The following TMEFF2 variants were observed in gnomAD, a reference collection of about 807,000 sequenced individuals.
TMEFF2 encodes transmembrane protein with EGF like and two follistatin like domains 2.
In TMEFF2, 28 loss-of-function variants were observed where a neutral mutation model predicts 53.8. The observed-to-expected ratio is 0.52, with a 90% confidence interval of 0.39 to 0.71. TMEFF2 has a LOEUF of 0.71. Ranked by LOEUF, TMEFF2 falls within the 30% of genes least tolerant of loss-of-function variation. TMEFF2 has a pLI of 0.00. For synonymous variants in TMEFF2, 162 were observed against 166.3 expected, an observed-to-expected ratio of 0.97 and a Z score of 0.20; for missense variants, 353 against 455.2, an observed-to-expected ratio of 0.78 and a Z score of 2.04.
chr2:191,980,368 A>C (rs1685826905), intron 7 of TMEFF2, among the ~76,000 whole-genome samples: 1 of 152,182 alleles, frequency 6.6e-6, no homozygotes, highest in Admixed American at 6.5e-5. Flanking sequence ...CACAGAAAAC[A>C]ACCAGGGCAT....
At chr2:191,958,620 G>A (rs1001151938) in intron 7 of TMEFF2, among the ~76,000 whole-genome samples, 15 of 152,206 alleles carry the variant, frequency 9.9e-5, no homozygotes, top group African/African-American at 3.6e-4. Flanking sequence ...TGCTGCCTTA[G>A]TGTGGTAAGA....
At chr2:191,953,648 A>G in intron 9 of TMEFF2, 31 bp downstream of exon 9, 1 of 1,608,746 alleles carries the variant, frequency 6.2e-7, no homozygotes, top group Non-Finnish European at 8.5e-7. Context: ...ATATCCCTTT[A>G]TTTGGGTAGC....
intron 4 of TMEFF2, among the ~76,000 whole-genome samples, chr2:192,134,278 T>C (rs1396398920): frequency 6.6e-6 from 1 of 152,196 alleles, no homozygotes; most frequent in Non-Finnish European, 1.5e-5. Context: ...GCCTCCCACA[T>C]TATTCCAGAT....
At chr2:192,165,125 C>A (rs920594524) in intron 4 of TMEFF2, among the ~76,000 whole-genome samples, 1 of 151,994 alleles carries the variant, frequency 6.6e-6, no homozygotes, top group Non-Finnish European at 1.5e-5. Flanking sequence ...AATAGAAACA[C>A]CTTACTTTTA....
chr2:191,951,165 ATGTGTGTG>A (rs33981886), intron 9 of TMEFF2, among the ~76,000 whole-genome samples: 3 of 149,720 alleles, frequency 2.0e-5, no homozygotes, highest in African/African-American at 4.9e-5. Flanking sequence ...ATGTGTATGT[ATGTGTGTG>A]TGTGTATGTA....
At chr2:192,184,880 T>C (rs911637753) in intron 2 of TMEFF2, among the ~76,000 whole-genome samples, 2 of 152,128 alleles carry the variant, frequency 1.3e-5, no homozygotes, top group African/African-American at 4.8e-5. Context: ...AGGTAATGTC[T>C]ATCTGTGCTA....
intron 2 of TMEFF2, among the ~76,000 whole-genome samples, chr2:192,188,996 A>G (rs1691391976): frequency 6.6e-6 from 1 of 152,076 alleles, no homozygotes; most frequent in Admixed American, 6.5e-5. Context: ...TATGTAATAA[A>G]CCTTCACATG....
intron 5 of TMEFF2, among the ~76,000 whole-genome samples, chr2:192,023,695 TTCTA>T (rs1360469666): frequency 5.3e-5 from 8 of 152,078 alleles, no homozygotes; most frequent in African/African-American, 1.9e-4. Flanking sequence ...TTTGTTTATC[TTCTA>T]TCTATGTTTC....
intron 4 of TMEFF2, among the ~76,000 whole-genome samples, chr2:192,093,412 AT>A (rs984563906): frequency 2.2e-5 from 1 of 45,194 alleles, no homozygotes; most frequent in African/African-American, 8.6e-5. Flanking sequence ...AAGAGCGTTC[AT>A]TTGGGACTCC....
chr2:192,062,210 T>G (rs960168578), intron 4 of TMEFF2, among the ~76,000 whole-genome samples: 1 of 152,168 alleles, frequency 6.6e-6, no homozygotes, highest in Non-Finnish European at 1.5e-5. Flanking sequence ...CACAGATTAG[T>G]TTTAACTATT....
chr2:192,075,278 A>T, intron 4 of TMEFF2, among the ~76,000 whole-genome samples: 1 of 62,606 alleles, frequency 1.6e-5, no homozygotes. Context: ...CCCAGAGTAC[A>T]GTACTATTAT....
chr2:192,145,371 A>G (rs150099564), intron 4 of TMEFF2, among the ~76,000 whole-genome samples: 1 of 151,968 alleles, frequency 6.6e-6, no homozygotes, highest in Admixed American at 6.6e-5. Flanking sequence ...TAAAATGCTG[A>G]GCTGAAAAGA....
chr2:192,025,481 A>G (rs986866308), intron 5 of TMEFF2, among the ~76,000 whole-genome samples: 3 of 152,102 alleles, frequency 2.0e-5, no homozygotes, highest in Non-Finnish European at 4.4e-5. Flanking sequence ...AAATCTAAGA[A>G]GTTGGTGCAA....
At chr2:191,967,350 CTG>C (rs1361830336) in intron 7 of TMEFF2, among the ~76,000 whole-genome samples, 2 of 152,034 alleles carry the variant, frequency 1.3e-5, no homozygotes, top group Non-Finnish European at 2.9e-5. Context: ...ATATATATAT[CTG>C]TGAGTTTTGT....
chr2:192,027,817 G>A (rs1032762906), intron 5 of TMEFF2: 2 of 152,182 alleles, frequency 1.3e-5, no homozygotes, highest in Admixed American at 6.5e-5. Flanking sequence ...TGAGCTCCAT[G>A]AGCTGTGTTC....
chr2:192,140,057 A>T lies in TMEFF2; in HGVS notation c.439+39611T>A, dbSNP rs557450077. On this transcript the variant is annotated intron_variant, in intron 4 of 9. Transcript: ENST00000272771. ...CTGACTGCTATCTTTGACACCAGAC[A>T]CAGAATTTTAAATGATCTTGACAGG... Among the ~76,000 whole-genome samples, 5 of 152,318 alleles carry T rather than the reference A, an allele frequency of 3.3e-5. No homozygotes were observed. In the East Asian group the frequency reaches 5.8e-4, roughly 18 times the overall value.
At chr2:191,997,375 C>T (rs891512752) in intron 7 of TMEFF2, among the ~76,000 whole-genome samples, 1 of 151,444 alleles carries the variant, frequency 6.6e-6, no homozygotes, top group Non-Finnish European at 1.5e-5. Context: ...ACACATTTAT[C>T]CTGATGTTAA....
chr2:192,002,702 C>T (rs1686397544), intron 5 of TMEFF2, among the ~76,000 whole-genome samples: 1 of 152,024 alleles, frequency 6.6e-6, no homozygotes, highest in Admixed American at 6.6e-5. Flanking sequence ...TGCTGTTGGG[C>T]ACCTGTAATC....
intron 3 of TMEFF2, among the ~76,000 whole-genome samples, chr2:192,181,293 C>A (rs1196058895): frequency 6.6e-6 from 1 of 151,678 alleles, no homozygotes; most frequent in Non-Finnish European, 1.5e-5. Flanking sequence ...TACTTATACT[C>A]ATTCAGGGCT....
Sources: gnomAD v4.1 joint callset for allele counts (sites outside exome capture counted in the v4.1 genomes callset) on GRCh38, gnomAD v4.1.1 for gene constraint, MANE v1.5 for transcripts, NCBI Gene and HGNC (gene_info 2026-07-23, HGNC 2026-07-21) for gene names.